Variants in RNF8 observed in about 807,000 individuals in gnomAD.
RNF8 encodes E3 ubiquitin-protein ligase RNF8.
Under a neutral mutation model 59.3 loss-of-function variants are expected in RNF8, and 8 were observed. That is an observed-to-expected ratio of 0.13 (90% CI 0.08 to 0.24). The LOEUF (loss-of-function observed/expected upper bound fraction) is 0.24. Ranked by LOEUF, RNF8 falls within the 10% of genes least tolerant of loss-of-function variation. The pLI, the probability that RNF8 is intolerant of heterozygous loss-of-function variation, is 1.00. For missense variants in RNF8, 406 were observed against 572.6 expected, an observed-to-expected ratio of 0.71 and a Z score of 2.97; for synonymous variants, 162 against 200.0, an observed-to-expected ratio of 0.81 and a Z score of 1.60.
At chr6:37,361,704 C>T (rs1769332467) in intron 2 of RNF8, 5 of 281,066 alleles carry the variant, frequency 1.8e-5, no homozygotes, top group South Asian at 1.6e-4. Flanking sequence ...CTGCCATCCT[C>T]ATATTGCGTG....
At chr6:37,358,930 C>T (rs1769215015) in intron 1 of RNF8, among the ~76,000 whole-genome samples, 1 of 152,042 alleles carries the variant, frequency 6.6e-6, no homozygotes, top group South Asian at 2.1e-4. Context: ...AACCCCGTCT[C>T]TACTAAAAAT....
chr6:37,360,370 T>C lies in RNF8; in HGVS notation c.112-76T>C. The C allele has an allele frequency of 6.4e-7, 1 of 1,572,538 alleles. No homozygotes were observed. The highest frequency in any genetic ancestry group is 8.7e-7 in the Non-Finnish European group (1 of 1,145,202). ...AGTCAGGACCTGCATATGCTGCTGG[T>C]TGATGAGATTTGTAAAGGACCTCCC... is the stretch of plus-strand genomic sequence containing the variant. On this transcript the variant is annotated intron_variant, in intron 1 of 7. Transcript: ENST00000373479. This position sits in a 1 kb window ranked among gnomAD's most constrained non-coding sequence, Gnocchi z 4.2.
intron 4 of RNF8, among the ~76,000 whole-genome samples, chr6:37,374,219 A>G (rs182066446): frequency 1.5e-3 from 233 of 152,322 alleles, no homozygotes; most frequent in African/African-American, 5.3e-3. Context: ...GCTTTTAATT[A>G]CTTACTAGTT....
In RNF8 at chr6:37,354,108, C is replaced by T. The variant is rs1028403771; in HGVS notation, c.-57C>T. On this transcript the variant is annotated 5_prime_UTR_variant, in exon 1 of 8. Coordinates refer to ENST00000373479, the MANE Select transcript of RNF8 (RefSeq NM_003958.4). ...AAGCTGAGGGGATGCACAGAGGCAG[C>T]CAGAACCTAGGTCAGGGTCTCGCTC... 55 of 1,437,918 alleles carry T rather than the reference C, an allele frequency of 3.8e-5. No homozygotes were observed. The East Asian group carries it at 1.0e-3, about 27-fold the overall frequency. The allele number at this position is 1,437,918 out of a possible 1,614,324, so 89.1% of individuals were successfully genotyped here.
intron 7 of RNF8, among the ~76,000 whole-genome samples, chr6:37,385,039 G>A (rs971116273): frequency 4.0e-5 from 6 of 151,292 alleles, no homozygotes; most frequent in Non-Finnish European, 4.4e-5. Flanking sequence ...TTGAGATGGC[G>A]TTTCGCTCTT....
In RNF8 at chr6:37,369,169, G is replaced by A; in HGVS notation, c.926G>A (p.Arg309Lys). Reference protein sequence around the residue: ...LCAEQAQQQARVEQLEKTFQE... With the variant: ...LCAEQAQQQAKVEQLEKTFQE... ...GCAGAGCAGGCTCAGCAGCAGGCAAGAGTGGAGCAACTAGAGAAGACTTTC... is the reference window on the plus strand; with the variant it reads ...GCAGAGCAGGCTCAGCAGCAGGCAAAAGTGGAGCAACTAGAGAAGACTTTC... Residue 309 changes from arginine to lysine, a missense_variant, in exon 3 of 8, where the codon AGA becomes AAA. Physicochemically the swap from Arg to Lys is conservative, Grantham distance 26. Coordinates refer to ENST00000373479, the MANE Select transcript of RNF8 (RefSeq NM_003958.4). 6.2e-7 allele frequency: 1 copy of A among 1,613,720 alleles called. No individual in the cohort carries two copies.
intron 6 of RNF8, 53 bp from the exon 7 acceptor site, chr6:37,381,097 C>G: frequency 1.3e-6 from 2 of 1,494,408 alleles, no homozygotes; most frequent in South Asian, 1.1e-5. Flanking sequence ...CACAAGCATC[C>G]TGAGAAAGTA....
At chr6:37,364,742 T>C (rs1291866683) in intron 2 of RNF8, among the ~76,000 whole-genome samples, 2 of 152,192 alleles carry the variant, frequency 1.3e-5, no homozygotes, top group African/African-American at 4.8e-5. Context: ...CAGAAACTTG[T>C]ATGTGAATGT....
intron 7 of RNF8, among the ~76,000 whole-genome samples, chr6:37,382,927 C>T (rs1207291789): frequency 1.3e-5 from 2 of 150,786 alleles, no homozygotes; most frequent in East Asian, 3.9e-4. Flanking sequence ...GAGCCAAGAT[C>T]GCACCACTGC....
At chr6:37,365,674 A>G (rs16889749) in intron 2 of RNF8, among the ~76,000 whole-genome samples, 4,740 of 152,260 alleles carry the variant, frequency 0.031, 199 homozygotes, top group East Asian at 0.09. Context: ...GTGGATGTGA[A>G]TTATCCCACT....
At chr6:37,386,219 A>G (rs755175237) in intron 7 of RNF8, among the ~76,000 whole-genome samples, 1 of 147,358 alleles carries the variant, frequency 6.8e-6, no homozygotes, top group Non-Finnish European at 1.5e-5. Flanking sequence ...CTATTCACCT[A>G]GTGAAACTTA....
chr6:37,381,378 C>T (rs372977706), intron 7 of RNF8, 24 bp downstream of exon 7: 511 of 1,600,094 alleles, frequency 3.2e-4, no homozygotes, highest in Non-Finnish European at 3.9e-4. Context: ...AGAATTCCTA[C>T]CCCTCAAGAA....
chr6:37,362,896 G>A (rs1375489199), intron 2 of RNF8, among the ~76,000 whole-genome samples: 2 of 152,220 alleles, frequency 1.3e-5, no homozygotes, highest in African/African-American at 4.8e-5. Context: ...AACCTTGGAG[G>A]ACAGCTAAGT....
intron 6 of RNF8, among the ~76,000 whole-genome samples, chr6:37,378,853 C>A (rs544040761): frequency 6.6e-6 from 1 of 152,130 alleles, no homozygotes; most frequent in Admixed American, 6.5e-5. Flanking sequence ...AGACAAGGAA[C>A]GGGGGTTGAA....
At position 37,377,027 on chromosome 6, in the gene RNF8, C is replaced by A; in HGVS notation, c.1230C>A (p.Phe410Leu). The A allele has an allele frequency of 5.8e-6, 5 of 863,426 alleles. No individual in the cohort carries two copies. Among genetic ancestry groups the A allele is most frequent in the Non-Finnish European group, 7.4e-6 (4 of 540,574 alleles). 53.5% of individuals were successfully genotyped at this position (863,426 alleles called of 1,614,324 possible). ...ELQCIICSEY[F>L]IEAVTLNCAH... Reference sequence around the variant, plus strand: ...AATGTATTATTTGTTCAGAATACTTCATTGAGGTAATTATGAACAGTTGCT... The same window carrying A: ...AATGTATTATTTGTTCAGAATACTTAATTGAGGTAATTATGAACAGTTGCT... Residue 410 changes from phenylalanine (F) to leucine (L), a missense_variant, in exon 6 of 8, where the codon TTC becomes TTA. Phe to Leu is a conservative substitution (Grantham distance 22). Transcript: ENST00000373479.
chr6:37,377,168 G>A (rs1581687788), intron 6 of RNF8, 135 bp downstream of exon 6: 1 of 569,746 alleles, frequency 1.8e-6, no homozygotes, highest in Non-Finnish European at 3.1e-6. Flanking sequence ...CACTTCCTGG[G>A]CTCAAGCAGT....
At position 37,354,230 on chromosome 6, in the gene RNF8, G is replaced by T; in HGVS notation, c.66G>T (p.Arg22=). The change falls in exon 1 of 8, where the codon CGG becomes CGT. Residue 22 remains arginine, a synonymous_variant. Transcript: ENST00000373479. ...RAGGRSWCLR[R]VGMSAGWLLL... is the part of the protein sequence containing the mutation. ...GTGGCCGGAGCTGGTGCCTGCGGCGGGTGGGGATGAGCGCCGGGTGGCTGC... is the reference window on the plus strand; with the variant it reads ...GTGGCCGGAGCTGGTGCCTGCGGCGTGTGGGGATGAGCGCCGGGTGGCTGC... 2 of 1,575,882 alleles carry T rather than the reference G, an allele frequency of 1.3e-6. No individual in the cohort carries two copies. The highest frequency in any genetic ancestry group is 1.7e-6 in the Non-Finnish European group (2 of 1,161,752).
chr6:37,362,297 T>C (rs975945752), intron 2 of RNF8, among the ~76,000 whole-genome samples: 2 of 152,164 alleles, frequency 1.3e-5, no homozygotes, highest in South Asian at 2.1e-4. Flanking sequence ...TTCAGTGTTA[T>C]TTGAATTTCA....
intron 7 of RNF8, among the ~76,000 whole-genome samples, chr6:37,386,085 C>T (rs952664109): frequency 2.0e-5 from 3 of 150,324 alleles, no homozygotes; most frequent in African/African-American, 7.3e-5. Context: ...ATCCACCCGC[C>T]TCAGCCTCCC....
Sources: allele counts gnomAD v4.1 joint callset (sites outside exome capture counted in the v4.1 genomes callset), GRCh38; gene constraint gnomAD v4.1.1; non-coding constraint Gnocchi (gnomAD v3.1); transcripts MANE v1.5; gene names NCBI Gene and HGNC (gene_info 2026-07-23, HGNC 2026-07-21).